The following CYRIA variants were observed in gnomAD, a reference collection of about 807,000 sequenced individuals.
The protein encoded by CYRIA is CYFIP-related Rac1 interactor A.
A neutral mutation model predicts 43.9 loss-of-function variants in CYRIA; 15 were observed. The ratio of observed to expected loss-of-function variants is 0.34; its 90% CI spans 0.23 to 0.53. CYRIA has a LOEUF of 0.53. Among genes scored for constraint, CYRIA ranks in the 20% least tolerant of loss-of-function variants. The pLI is 0.94. For missense variants in CYRIA, 236 were observed against 394.2 expected (o/e 0.60, Z 3.40); for synonymous variants, 117 against 136.0 (o/e 0.86, Z 0.97).
At chr2:16,602,612 G>T (rs936142825) in intron 2 of CYRIA, among the ~76,000 whole-genome samples, 1 of 151,918 alleles carries the variant, frequency 6.6e-6, no homozygotes, top group Non-Finnish European at 1.5e-5. Context: ...TAATATACAG[G>T]CCCCCTACAT....
chr2:16,640,410 A>G (rs577805033), intron 1 of CYRIA, among the ~76,000 whole-genome samples: 24 of 152,232 alleles, frequency 1.6e-4, no homozygotes, highest in Non-Finnish European at 3.1e-4. Flanking sequence ...GCCATGCCCC[A>G]GCTGGCCCTG....
At chr2:16,645,886 C>A (rs1396913165) in intron 1 of CYRIA, among the ~76,000 whole-genome samples, 1 of 152,172 alleles carries the variant, frequency 6.6e-6, no homozygotes, top group Non-Finnish European at 1.5e-5. Flanking sequence ...ACGAAAAAGA[C>A]CCTGTCCCCA....
chr2:16,593,866 T>A (rs1438780500), intron 2 of CYRIA, among the ~76,000 whole-genome samples: 3 of 147,942 alleles, frequency 2.0e-5, no homozygotes, highest in South Asian at 2.1e-4. Flanking sequence ...CCCAATGCTA[T>A]CCCTCCCCCC....
chr2:16,588,441 A>C (rs1320404621), intron 2 of CYRIA, among the ~76,000 whole-genome samples: 1 of 150,448 alleles, frequency 6.6e-6, no homozygotes, highest in Non-Finnish European at 1.5e-5. Flanking sequence ...AAAAAAAAAA[A>C]ACATAAAGAA....
intron 2 of CYRIA, among the ~76,000 whole-genome samples, chr2:16,616,492 A>C (rs929418679): frequency 6.6e-6 from 1 of 152,114 alleles, no homozygotes; most frequent in African/African-American, 2.4e-5. Flanking sequence ...CTCCTCGCTC[A>C]GAGGACCTTC....
Position 16,646,531 on chromosome 2 carries a change from G to A in CYRIA, c.-167+19249C>T, listed in dbSNP as rs577558075. On this transcript the variant is annotated intron_variant, in intron 1 of 11. Coordinates refer to ENST00000381323, the MANE Select transcript of CYRIA (RefSeq NM_030797.4). ...AAGCTCAGGCCTCCCTGCAAGACCA[G>A]AGAAGCCACGTGCAGTGTGGGAGCC... Among the ~76,000 whole-genome samples, 38 of 152,318 alleles carry A rather than the reference G, an allele frequency of 2.5e-4. No individual in the cohort carries two copies. In the South Asian group the frequency reaches 7.7e-3, roughly 31 times the overall value.
At chr2:16,641,457 G>C (rs73918631) in intron 1 of CYRIA, among the ~76,000 whole-genome samples, 7 of 152,036 alleles carry the variant, frequency 4.6e-5, no homozygotes, top group Admixed American at 4.6e-4. Context: ...ATTCAAGGCC[G>C]AATTTAAAGG....
At chr2:16,567,915 A>G (rs1666999071) in intron 3 of CYRIA, among the ~76,000 whole-genome samples, 1 of 152,154 alleles carries the variant, frequency 6.6e-6, no homozygotes, top group Admixed American at 6.5e-5. Context: ...TGGAAGGTGA[A>G]ATGGAGTATA....
chr2:16,621,661 C>G (rs1415809433), intron 2 of CYRIA, among the ~76,000 whole-genome samples: 1 of 152,208 alleles, frequency 6.6e-6, no homozygotes, highest in Non-Finnish European at 1.5e-5. Context: ...ATTCCCCGAT[C>G]AGAGATTTAG....
chr2:16,663,274 A>G (rs1670310087), intron 1 of CYRIA, among the ~76,000 whole-genome samples: 1 of 152,208 alleles, frequency 6.6e-6, no homozygotes. Flanking sequence ...TGTCAACCCC[A>G]TTTTAAAGAT....
chr2:16,609,046 C>T (rs1327333980), intron 2 of CYRIA, among the ~76,000 whole-genome samples: 1 of 152,192 alleles, frequency 6.6e-6, no homozygotes. Flanking sequence ...GCGATGCAGG[C>T]GAAGGCGAGT....
chr2:16,564,491 AT>A (rs2103416476), intron 4 of CYRIA, among the ~76,000 whole-genome samples: 1 of 152,296 alleles, frequency 6.6e-6, no homozygotes, highest in South Asian at 2.1e-4. Flanking sequence ...CCAGTTTGTC[AT>A]GTTACCTAAA....
At chr2:16,564,757 T>C (rs185093513) in intron 4 of CYRIA, among the ~76,000 whole-genome samples, 1 of 152,188 alleles carries the variant, frequency 6.6e-6, no homozygotes, top group Admixed American at 6.5e-5. Flanking sequence ...ATAAAAAGAG[T>C]GTGAAGTTTC....
At chr2:16,601,707 G>C (rs1440055487) in intron 2 of CYRIA, among the ~76,000 whole-genome samples, 1 of 111,486 alleles carries the variant, frequency 9.0e-6, no homozygotes, top group African/African-American at 4.7e-5. Context: ...CACATTTCCA[G>C]TTTCAAAAAA....
intron 1 of CYRIA, among the ~76,000 whole-genome samples, chr2:16,630,368 C>T (rs1457745551): frequency 1.3e-5 from 2 of 152,124 alleles, no homozygotes; most frequent in African/African-American, 4.8e-5. Flanking sequence ...GTTTATGAGT[C>T]ATGGGGCAGA....
chr2:16,617,207 C>T (rs4832660), intron 2 of CYRIA, among the ~76,000 whole-genome samples: 102,911 of 152,054 alleles, frequency 0.68, 35,185 homozygotes, highest in East Asian at 0.79. Context: ...AGAAATGAGG[C>T]CCTAAGAGGA....
chr2:16,592,748 C>T (rs1390249961), intron 2 of CYRIA, among the ~76,000 whole-genome samples: 1 of 152,022 alleles, frequency 6.6e-6, no homozygotes, highest in Non-Finnish European at 1.5e-5. Context: ...ACAGAGGTTT[C>T]TCTTTGTCTT....
rs1306518909 is a variant in CYRIA at position 16,650,425 on chromosome 2, G to A, written c.-167+15355C>T. 1.3e-5 allele frequency among the ~76,000 whole-genome samples: 2 copies of A among 152,184 alleles called. No individual in the cohort carries two copies. The highest frequency in any genetic ancestry group is 2.9e-5 in the Non-Finnish European group (2 of 68,032). Reference sequence around the variant, plus strand: ...TAAAAATCTCTGCAAACTGCAGATCGATTAAAACACTAGCAAATCATAAAG... The same window carrying A: ...TAAAAATCTCTGCAAACTGCAGATCAATTAAAACACTAGCAAATCATAAAG... On this transcript the variant is annotated intron_variant, in intron 1 of 11. Coordinates refer to ENST00000381323, the MANE Select transcript of CYRIA (RefSeq NM_030797.4). This position sits in a 1 kb window ranked among gnomAD's most constrained non-coding sequence, Gnocchi z 4.1.
chr2:16,579,549 G>A (rs559626775), intron 3 of CYRIA, among the ~76,000 whole-genome samples: 3 of 151,682 alleles, frequency 2.0e-5, no homozygotes, highest in African/African-American at 7.3e-5. Context: ...CATAACAAAA[G>A]CACAAAGTGA....
Sources: gnomAD v4.1 joint callset for allele counts (sites outside exome capture counted in the v4.1 genomes callset) on GRCh38, gnomAD v4.1.1 for gene constraint, Gnocchi (gnomAD v3.1) non-coding constraint, MANE v1.5 for transcripts, NCBI Gene and HGNC (gene_info 2026-07-23, HGNC 2026-07-21) for gene names.